AP1AR: variants seen among roughly 807,000 people sequenced by gnomAD.
The protein encoded by AP1AR is adaptor related protein complex 1 associated regulatory protein.
Under a neutral mutation model 46.3 loss-of-function variants are expected in AP1AR, and 29 were observed. The observed-to-expected ratio is 0.63, with a 90% CI of 0.47 to 0.85. AP1AR has a LOEUF of 0.85. Ranked by LOEUF, AP1AR falls within the 40% of genes least tolerant of loss-of-function variation. AP1AR has a pLI of 0.00. For missense variants in AP1AR, 357 were observed against 356.3 expected (o/e 1.00, Z -0.02); for synonymous variants, 122 against 122.9 (o/e 0.99, Z 0.05).
chr4:112,259,311 T>A, intron 4 of AP1AR, among the ~76,000 whole-genome samples: 1 of 152,140 alleles, frequency 6.6e-6, no homozygotes, highest in East Asian at 1.9e-4. Context: ...AGAAGAACAG[T>A]AGTTAAGAAC....
At chr4:112,258,222 T>C (rs1415198562) in intron 4 of AP1AR, among the ~76,000 whole-genome samples, 5 of 152,174 alleles carry the variant, frequency 3.3e-5, no homozygotes, top group Non-Finnish European at 1.5e-5. Context: ...TTTATTAAAA[T>C]TGCATGTGTT....
intron 1 of AP1AR, among the ~76,000 whole-genome samples, chr4:112,241,708 T>C (rs1037432917): frequency 6.6e-6 from 1 of 152,218 alleles, no homozygotes; most frequent in East Asian, 1.9e-4. Context: ...ACGTATAAAA[T>C]TAACCGTCAC....
At position 112,232,156 on chromosome 4, in the gene AP1AR, G is replaced by T. The variant is rs781696399; in HGVS notation, c.65G>T (p.Arg22Leu). Residue 22 changes from arginine (R) to leucine (L), a missense_variant, in exon 1 of 10, where the codon CGA (arginine) becomes CTA (leucine). Around this residue, in one of 2 missense-constraint regions of AP1AR, gnomAD observed 269 missense variants for 223.6 expected, o/e 1.20. Coordinates refer to ENST00000274000, the MANE Select transcript of AP1AR (RefSeq NM_018569.6). The stretch of plus-strand genomic sequence containing the variant: ...CGCAAGGAAGCGGGGCGGCTGCAGC[G>T]AGTAGGCGGCGGCGGAGGGTAAGCC... ...LLRKEAGRLQ[R>L]VGGGGGSKYF... The T allele has an allele frequency of 4.7e-6, 6 of 1,285,814 alleles. No homozygotes were observed. Among genetic ancestry groups the T allele is most frequent in the Non-Finnish European group, 6.0e-6 (6 of 1,007,466 alleles). 79.7% of individuals were successfully genotyped at this position (1,285,814 alleles called of 1,614,324 possible). A position where few individuals can be genotyped will look rare whatever the true frequency, so the allele number is the denominator to read the frequency against.
At chr4:112,236,326 C>T (rs1002902990) in intron 1 of AP1AR, among the ~76,000 whole-genome samples, 11 of 151,858 alleles carry the variant, frequency 7.2e-5, no homozygotes, top group African/African-American at 2.2e-4. Context: ...TTCTAAAACC[C>T]GCATTGGATT....
chr4:112,252,944 A>T (rs1057024329), intron 1 of AP1AR, among the ~76,000 whole-genome samples: 3 of 152,208 alleles, frequency 2.0e-5, no homozygotes, highest in Non-Finnish European at 4.4e-5. Context: ...AATGTAGTAA[A>T]TATAGTAAAT....
In AP1AR at chr4:112,272,502, A is replaced by G. The variant is rs1244466059; in HGVS notation, c.*4093A>G. Among the ~76,000 whole-genome samples, 4 of 152,270 alleles carry G rather than the reference A, an allele frequency of 2.6e-5. No individual in the cohort carries two copies. The highest frequency in any genetic ancestry group is 3.9e-4 in the East Asian group (2 of 5,174). ...AAAATTGCCCTAAGAGAGCATGTGC[A>G]TAACTTCAATCACCAAAAGGCCCTT... is the stretch of plus-strand genomic sequence containing the variant. On this transcript the variant is annotated 3_prime_UTR_variant, in exon 10 of 10. Coordinates refer to ENST00000274000, the MANE Select transcript of AP1AR (RefSeq NM_018569.6).
At chr4:112,248,605 ATCTCT>A (rs1404185976) in intron 1 of AP1AR, among the ~76,000 whole-genome samples, 1 of 152,202 alleles carries the variant, frequency 6.6e-6, no homozygotes. Flanking sequence ...GGGCTTATCA[ATCTCT>A]TCTCTCTGCT....
At chr4:112,261,219 G>A (rs966713097) in intron 5 of AP1AR, among the ~76,000 whole-genome samples, 1 of 152,204 alleles carries the variant, frequency 6.6e-6, no homozygotes, top group Non-Finnish European at 1.5e-5. Flanking sequence ...GATTGCTTGA[G>A]CCCAAGAGGT....
rs1345937469 is a variant in AP1AR, at chr4:112,263,101, C to T, written c.381+15C>T. The T allele has an allele frequency of 6.3e-7, 1 of 1,597,056 alleles. No individual in the cohort carries two copies. The highest frequency in any genetic ancestry group is 1.7e-5 in the Admixed American group (1 of 58,114). On this transcript the variant is annotated intron_variant, in intron 6 of 9. Transcript: ENST00000274000. ...AGCTCTTGGAGGTGAGGGGAAAAGA[C>T]CCCAGCATATATTAGGGTTGCTTTT...
intron 1 of AP1AR, among the ~76,000 whole-genome samples, chr4:112,235,942 C>G (rs1725220710): frequency 2.0e-5 from 3 of 152,062 alleles, no homozygotes. Flanking sequence ...TGTTTCTCTC[C>G]TAGCTATTCT....
rs562251972 is a variant in AP1AR at position 112,265,731 on chromosome 4, C to T, written c.441-3C>T. ...TTAAAAAATTATTTCACTTTTATTA[C>T]AGTTCAGGACCAGAAGATGACTTCG... On this transcript the variant is annotated splice_polypyrimidine_tract_variant and splice_region_variant and intron_variant, in intron 7 of 9. Transcript: ENST00000274000. 6.2e-7 allele frequency: 1 copy of T among 1,601,640 alleles called. No individual in the cohort carries two copies. Among genetic ancestry groups the T allele is most frequent in the East Asian group, 2.2e-5 (1 of 44,600 alleles).
chr4:112,253,469 A>G (rs1057447873), intron 2 of AP1AR, among the ~76,000 whole-genome samples: 1 of 152,150 alleles, frequency 6.6e-6, no homozygotes, highest in African/African-American at 2.4e-5. Flanking sequence ...TGTTTTTCTA[A>G]TAGCTTTTTC....
intron 1 of AP1AR, among the ~76,000 whole-genome samples, chr4:112,235,342 A>G (rs1041662326): frequency 3.3e-5 from 5 of 152,218 alleles, no homozygotes; most frequent in East Asian, 1.9e-4. Flanking sequence ...ATAATTCCAC[A>G]TAGTGATTCC....
At chr4:112,235,529 G>A (rs562056537) in intron 1 of AP1AR, among the ~76,000 whole-genome samples, 1 of 152,104 alleles carries the variant, frequency 6.6e-6, no homozygotes, top group South Asian at 2.1e-4. Flanking sequence ...ACAACATTCC[G>A]TTACTTCCTA....
intron 1 of AP1AR, among the ~76,000 whole-genome samples, chr4:112,239,669 G>A (rs1032771364): frequency 3.9e-5 from 6 of 152,126 alleles, no homozygotes; most frequent in Admixed American, 2.0e-4. Flanking sequence ...CCAGGCTGTC[G>A]TCATTTGTTG....
At chr4:112,253,321 G>A in intron 2 of AP1AR, 65 bp downstream of exon 2, 3 of 1,244,536 alleles carry the variant, frequency 2.4e-6, no homozygotes, top group Non-Finnish European at 3.5e-6. Context: ...GCTTTTTGTT[G>A]TAAAGAGGGA....
chr4:112,242,370 C>A (rs902371878), intron 1 of AP1AR, among the ~76,000 whole-genome samples: 4 of 152,060 alleles, frequency 2.6e-5, no homozygotes, highest in Admixed American at 2.0e-4. Context: ...CTTTTCTACC[C>A]CTCTGATGTC....
chr4:112,253,408 A>G (rs1195975769), intron 2 of AP1AR, 152 bp downstream of exon 2: 1 of 631,160 alleles, frequency 1.6e-6, no homozygotes, highest in East Asian at 3.0e-5. Context: ...AAAGAGTTGG[A>G]GCAGTGAGGG....
intron 2 of AP1AR, among the ~76,000 whole-genome samples, chr4:112,253,856 C>A (rs1726070139): frequency 6.6e-6 from 1 of 152,086 alleles, no homozygotes; most frequent in African/African-American, 2.4e-5. Context: ...AAATTCTAGT[C>A]CAAACTGCCT....
Sources: gnomAD v4.1 joint callset for allele counts (sites outside exome capture counted in the v4.1 genomes callset) on GRCh38, gnomAD v4.1.1 for gene constraint, gnomAD v4.1.1 regional missense constraint, MANE v1.5 for transcripts, NCBI Gene and HGNC (gene_info 2026-07-23, HGNC 2026-07-21) for gene names.